MDFIC2: variants seen among roughly 807,000 people sequenced by gnomAD.
The protein encoded by MDFIC2 is MyoD family inhibitor domain containing 2, also known as myoD family inhibitor domain-containing protein 2.
intron 2 of MDFIC2, among the ~76,000 whole-genome samples, chr3:70,282,956 G>T (rs1318698654): frequency 6.6e-6 from 1 of 152,204 alleles, no homozygotes; most frequent in East Asian, 1.9e-4. Context: ...ACCATTGAGT[G>T]TCCAGGCAGG....
chr3:70,257,261 A>G (rs147544620), intron 2 of MDFIC2, among the ~76,000 whole-genome samples: 1 of 152,202 alleles, frequency 6.6e-6, no homozygotes, highest in Non-Finnish European at 1.5e-5. Context: ...ACATCTGGCC[A>G]TTCAAAAAAG....
chr3:70,253,706 G>T (rs75549490), intron 2 of MDFIC2, among the ~76,000 whole-genome samples: 1 of 152,122 alleles, frequency 6.6e-6, no homozygotes, highest in South Asian at 2.1e-4. Context: ...CTGGGCTACA[G>T]TGCAAAACCC....
At chr3:70,267,916 C>T (rs1701935619) in intron 2 of MDFIC2, among the ~76,000 whole-genome samples, 1 of 151,736 alleles carries the variant, frequency 6.6e-6, no homozygotes, top group South Asian at 2.1e-4. Flanking sequence ...TCCCAGTTTC[C>T]TTTCCTTTTC....
intron 2 of MDFIC2, among the ~76,000 whole-genome samples, chr3:70,236,367 A>G (rs983888360): frequency 6.6e-6 from 1 of 152,072 alleles, no homozygotes; most frequent in African/African-American, 2.4e-5. Flanking sequence ...CTTCTTGTAT[A>G]TTTTATGTAT....
intron 2 of MDFIC2, among the ~76,000 whole-genome samples, chr3:70,248,268 A>T (rs1002346206): frequency 6.6e-6 from 1 of 152,144 alleles, no homozygotes; most frequent in Admixed American, 6.6e-5. Flanking sequence ...GTAGAATATT[A>T]TCAACTTTCT....
Position 70,195,794 on chromosome 3 carries a change from A to G in MDFIC2, c.*1132T>C, listed in dbSNP as rs1216176389. On this transcript the variant is annotated 3_prime_UTR_variant, in exon 4 of 4. Coordinates refer to ENST00000567252, the MANE Select transcript of MDFIC2 (RefSeq NM_001364677.1). ...GGACTATAGAATTGTTTCTACAGAA[A>G]GTAAAGAACATTCCAAAGTAACTTT... Among the ~76,000 whole-genome samples the G allele has an allele frequency of 6.6e-6, 1 of 152,246 alleles. No homozygotes were observed. Among genetic ancestry groups the G allele is most frequent in the Non-Finnish European group, 1.5e-5 (1 of 68,042 alleles).
intron 2 of MDFIC2, among the ~76,000 whole-genome samples, chr3:70,284,827 C>T (rs9841984): frequency 0.21 from 31,141 of 151,874 alleles, 3,373 homozygotes; most frequent in South Asian, 0.28. Flanking sequence ...ATGAAATAGT[C>T]TGTATAACAA....
intron 2 of MDFIC2, among the ~76,000 whole-genome samples, chr3:70,229,519 T>A (rs1265633878): frequency 1.3e-5 from 2 of 152,220 alleles, no homozygotes; most frequent in African/African-American, 2.4e-5. Flanking sequence ...TTTTCTTGCA[T>A]CTCAGCAGGA....
chr3:70,298,602 G>T (rs1050815684), intron 2 of MDFIC2, among the ~76,000 whole-genome samples: 1 of 152,018 alleles, frequency 6.6e-6, no homozygotes, highest in African/African-American at 2.4e-5. Context: ...CCTCTTTCTC[G>T]TTAAAATCAC....
intron 2 of MDFIC2, among the ~76,000 whole-genome samples, chr3:70,305,470 T>A (rs1702391589): frequency 6.6e-6 from 1 of 152,176 alleles, no homozygotes; most frequent in East Asian, 1.9e-4. Context: ...ACAAAAAATA[T>A]CCCGTTTAGA....
chr3:70,198,741 A>G (rs2106718048), intron 3 of MDFIC2, among the ~76,000 whole-genome samples: 1 of 152,318 alleles, frequency 6.6e-6, no homozygotes, highest in South Asian at 2.1e-4. Context: ...TTCAGGCAGC[A>G]TATTCCACAA....
chr3:70,234,932 T>G (rs539608965), intron 2 of MDFIC2, among the ~76,000 whole-genome samples: 2 of 152,174 alleles, frequency 1.3e-5, no homozygotes, highest in Non-Finnish European at 2.9e-5. Context: ...ACCTCACGGT[T>G]TCCTGATTTA....
chr3:70,239,158 A>G (rs1701640517), intron 2 of MDFIC2, among the ~76,000 whole-genome samples: 1 of 152,200 alleles, frequency 6.6e-6, no homozygotes, highest in Non-Finnish European at 1.5e-5. Flanking sequence ...GCAATAGTGA[A>G]AAGTGGGGCT....
chr3:70,246,008 C>T (rs190307163), intron 2 of MDFIC2, among the ~76,000 whole-genome samples: 1 of 151,194 alleles, frequency 6.6e-6, no homozygotes, highest in African/African-American at 2.4e-5. Context: ...ATTTATATAA[C>T]AATAACTTGC....
At chr3:70,273,513 A>G (rs1301778164) in intron 2 of MDFIC2, among the ~76,000 whole-genome samples, 1 of 152,156 alleles carries the variant, frequency 6.6e-6, no homozygotes, top group East Asian at 1.9e-4. Context: ...TCCAGATAAT[A>G]CAGTTATATC....
intron 3 of MDFIC2, among the ~76,000 whole-genome samples, chr3:70,199,380 GA>G (rs78677995): frequency 0.089 from 13,266 of 149,770 alleles, 869 homozygotes; most frequent in East Asian, 0.37. Flanking sequence ...ATTTACAAAA[GA>G]AAAAAAAAAG....
intron 2 of MDFIC2, among the ~76,000 whole-genome samples, chr3:70,214,151 C>G (rs1701382053): frequency 6.6e-6 from 1 of 151,994 alleles, no homozygotes; most frequent in African/African-American, 2.4e-5. Context: ...TTGGATAAGA[C>G]AAAACCTTGG....
At chr3:70,217,028 C>CA (rs1342581826) in intron 2 of MDFIC2, among the ~76,000 whole-genome samples, 1 of 152,148 alleles carries the variant, frequency 6.6e-6, no homozygotes, top group Non-Finnish European at 1.5e-5. Context: ...GCTATCACAT[C>CA]ACTCTTTCAT....
At chr3:70,223,750 A>G (rs1445721786) in intron 2 of MDFIC2, among the ~76,000 whole-genome samples, 1 of 152,208 alleles carries the variant, frequency 6.6e-6, no homozygotes, top group Non-Finnish European at 1.5e-5. Context: ...AGCTGGTTGC[A>G]TGCAATCAAT....
Sources: allele counts gnomAD v4.1 joint callset (sites outside exome capture counted in the v4.1 genomes callset), GRCh38; gene constraint gnomAD v4.1.1; transcripts MANE v1.5; gene names NCBI Gene and HGNC (gene_info 2026-07-23, HGNC 2026-07-21).